STRN: variants seen among roughly 807,000 people sequenced by gnomAD.
The protein encoded by STRN is protein phosphatase 2 regulatory subunit B'''alpha.
In STRN, 53 loss-of-function variants were observed where a neutral mutation model predicts 96.3. The observed-to-expected ratio is 0.55, with a 90% CI of 0.44 to 0.69. The LOEUF is 0.69. Ranked by LOEUF, STRN falls within the 30% of genes least tolerant of loss-of-function variation. STRN has a pLI of 0.00. For synonymous variants in STRN, 428 were observed against 355.9 expected, an observed-to-expected ratio of 1.20 and a Z score of -2.28; for missense variants, 987 against 963.9, an observed-to-expected ratio of 1.02 and a Z score of -0.32.
chr2:36,870,977 G>A (rs1472219183), intron 10 of STRN, among the ~76,000 whole-genome samples: 1 of 151,976 alleles, frequency 6.6e-6, no homozygotes. Flanking sequence ...AAGTTAAAAA[G>A]TAAAATAAAC....
chr2:36,888,823 G>A (rs181349936), intron 7 of STRN, among the ~76,000 whole-genome samples: 136 of 152,086 alleles, frequency 8.9e-4, no homozygotes, highest in African/African-American at 3.0e-3. Flanking sequence ...TGGGACAACA[G>A]GTGTGTACCA....
intron 1 of STRN, among the ~76,000 whole-genome samples, chr2:36,957,454 G>T (rs1033758817): frequency 6.6e-6 from 1 of 151,974 alleles, no homozygotes; most frequent in Non-Finnish European, 1.5e-5. Context: ...CAGGCGTGGT[G>T]GTGCACACCT....
chr2:36,961,184 T>G (rs541386177), intron 1 of STRN, among the ~76,000 whole-genome samples: 1 of 141,338 alleles, frequency 7.1e-6, no homozygotes, highest in South Asian at 2.3e-4. Context: ...TGGAGTGCAG[T>G]GGAGTGATCA....
At chr2:36,959,172 A>AC (rs1283767984) in intron 1 of STRN, among the ~76,000 whole-genome samples, 9 of 152,168 alleles carry the variant, frequency 5.9e-5, no homozygotes, top group African/African-American at 2.2e-4. Flanking sequence ...ACATAACACC[A>AC]AAGACAGAGA....
At chr2:36,907,531 G>GA (rs1343948532) in intron 3 of STRN, among the ~76,000 whole-genome samples, 1 of 151,744 alleles carries the variant, frequency 6.6e-6, no homozygotes, top group Non-Finnish European at 1.5e-5. Flanking sequence ...GTGGGTGACA[G>GA]AGCAAGACTC....
intron 17 of STRN, 22 bp downstream of exon 17, chr2:36,849,692 A>C: frequency 6.2e-7 from 1 of 1,613,848 alleles, no homozygotes; most frequent in Middle Eastern, 1.6e-4. Context: ...ACAAATAAAT[A>C]ATCCATAGTT....
chr2:36,944,629 T>A (rs571632805), intron 1 of STRN, among the ~76,000 whole-genome samples: 7 of 152,050 alleles, frequency 4.6e-5, no homozygotes, highest in Admixed American at 6.6e-5. Context: ...ACCTGAAAAA[T>A]TGCCAAAAAT....
At chr2:36,952,997 C>A (rs1287080233) in intron 1 of STRN, among the ~76,000 whole-genome samples, 3 of 152,224 alleles carry the variant, frequency 2.0e-5, no homozygotes, top group Non-Finnish European at 4.4e-5. Context: ...TCAGGTGAAA[C>A]TGGCATCACC....
intron 2 of STRN, among the ~76,000 whole-genome samples, chr2:36,921,970 C>T (rs1670271458): frequency 6.6e-6 from 1 of 152,104 alleles, no homozygotes; most frequent in African/African-American, 2.4e-5. Context: ...TAGACTATAT[C>T]AGATAATAGA....
intron 6 of STRN, 119 bp downstream of exon 6, chr2:36,899,404 A>G (rs1669625013): frequency 3.1e-6 from 3 of 982,294 alleles, no homozygotes; most frequent in Admixed American, 7.7e-5. Flanking sequence ...AATGTCTCCA[A>G]ATTCATGAAA....
rs377269207 is a variant in STRN, at chr2:36,877,057, C to T, written c.1323+834G>A. On this transcript the variant is annotated intron_variant, in intron 10 of 17. Coordinates refer to ENST00000263918, the MANE Select transcript of STRN (RefSeq NM_003162.4). ...GCCACTGTGCCCAGCCCTATAAACA[C>T]ATTTATAAAACAATTATGTTTGGAA... Among the ~76,000 whole-genome samples the T allele has an allele frequency of 1.5e-4, 23 of 152,208 alleles. 1 individual carries two copies. Among genetic ancestry groups the T allele is most frequent in the African/African-American group, 4.3e-4 (18 of 41,542 alleles).
intron 7 of STRN, among the ~76,000 whole-genome samples, chr2:36,887,440 C>T (rs1374860769): frequency 6.6e-6 from 1 of 151,406 alleles, no homozygotes; most frequent in South Asian, 2.1e-4. Context: ...ATTGCACTCC[C>T]GCCTGGGCAA....
chr2:36,874,660 T>C (rs772628098), intron 10 of STRN, among the ~76,000 whole-genome samples: 6 of 144,960 alleles, frequency 4.1e-5, no homozygotes, highest in African/African-American at 1.5e-4. Flanking sequence ...ACAGAAATGA[T>C]AGTTGACCTT....
chr2:36,873,862 G>C (rs1421111345), intron 10 of STRN, among the ~76,000 whole-genome samples: 1 of 151,446 alleles, frequency 6.6e-6, no homozygotes, highest in Non-Finnish European at 1.5e-5. Flanking sequence ...AGAATTGCTT[G>C]AACCTGGGAG....
chr2:36,888,907 C>T (rs529217663), intron 7 of STRN, among the ~76,000 whole-genome samples: 2 of 152,144 alleles, frequency 1.3e-5, no homozygotes, highest in South Asian at 2.1e-4. Flanking sequence ...TGGTCTCAAA[C>T]TCCTGGGCTC....
At chr2:36,945,549 C>T (rs62135861) in intron 1 of STRN, among the ~76,000 whole-genome samples, 16,285 of 152,046 alleles carry the variant, frequency 0.11, 1,435 homozygotes, top group East Asian at 0.51. Flanking sequence ...CATCTGTAAT[C>T]CCAGCTACTC....
chr2:36,853,301 A>G (rs1440798091), intron 15 of STRN, among the ~76,000 whole-genome samples: 1 of 152,250 alleles, frequency 6.6e-6, no homozygotes, highest in African/African-American at 2.4e-5. Context: ...ATAATACTCC[A>G]TTGAGCAACA....
chr2:36,966,145 C>T (rs1665154704), intron 1 of STRN, 85 bp downstream of exon 1: 1 of 1,159,330 alleles, frequency 8.6e-7, no homozygotes, highest in South Asian at 2.3e-5. Context: ...CGCGAGAAGG[C>T]TGGGGGAGGG....
intron 3 of STRN, among the ~76,000 whole-genome samples, chr2:36,910,173 C>CAAAA (rs146718686): frequency 2.7e-5 from 3 of 112,948 alleles, no homozygotes; most frequent in African/African-American, 9.8e-5. Context: ...GACTTTGTCT[C>CAAAA]AAAAAAAAAA....
Sources: allele counts gnomAD v4.1 joint callset (sites outside exome capture counted in the v4.1 genomes callset), GRCh38; gene constraint gnomAD v4.1.1; transcripts MANE v1.5; gene names NCBI Gene and HGNC (gene_info 2026-07-23, HGNC 2026-07-21).